Variants in CNTNAP2 observed in about 807,000 individuals in gnomAD.
The protein encoded by CNTNAP2 is contactin-associated protein-like 2.
CNTNAP2 carries 98 observed loss-of-function variants against 155.2 expected under a neutral mutation model. The ratio of observed to expected loss-of-function variants is 0.63; its 90% CI spans 0.54 to 0.75. CNTNAP2 has a LOEUF of 0.75. Ranked by LOEUF, CNTNAP2 falls within the 30% of genes least tolerant of loss-of-function variation. CNTNAP2 has a pLI of 0.00. For missense variants in CNTNAP2, 1,727 were observed against 1,688.1 expected, an observed-to-expected ratio of 1.02 and a Z score of -0.40; for synonymous variants, 651 against 631.2, an observed-to-expected ratio of 1.03 and a Z score of -0.47.
intron 1 of CNTNAP2, among the ~76,000 whole-genome samples, chr7:146,593,830 T>C (rs1031142800): frequency 2.0e-5 from 3 of 152,206 alleles, no homozygotes; most frequent in Admixed American, 1.3e-4. Flanking sequence ...GCCTGACTTT[T>C]AGACGCCTGT....
At chr7:146,894,867 T>C (rs772953850) in intron 3 of CNTNAP2, among the ~76,000 whole-genome samples, 77 of 152,280 alleles carry the variant, frequency 5.1e-4, no homozygotes, top group Non-Finnish European at 9.4e-4. Flanking sequence ...TATTTAATAA[T>C]TGAGTGGTTG....
At chr7:147,336,328 T>C (rs1795664534) in intron 9 of CNTNAP2, among the ~76,000 whole-genome samples, 1 of 152,148 alleles carries the variant, frequency 6.6e-6, no homozygotes, top group Non-Finnish European at 1.5e-5. Flanking sequence ...CTGCTTGATT[T>C]CTTTTGTATT....
chr7:147,286,312 A>T (rs1452875743), intron 8 of CNTNAP2, among the ~76,000 whole-genome samples: 2 of 152,080 alleles, frequency 1.3e-5, no homozygotes, highest in Non-Finnish European at 2.9e-5. Flanking sequence ...TAATAATAAT[A>T]ATGAAAACTT....
In CNTNAP2 at chr7:146,478,984, A is replaced by T. The variant is rs543520574; in HGVS notation, c.98-295287A>T. Among the ~76,000 whole-genome samples the T allele has an allele frequency of 9.2e-5, 14 of 152,288 alleles. 1 individual carries two copies. In the South Asian group the frequency reaches 2.9e-3, roughly 32 times the overall value. On this transcript the variant is annotated intron_variant, in intron 1 of 23. Coordinates refer to ENST00000361727, the MANE Select transcript of CNTNAP2 (RefSeq NM_014141.6). ...CCTTTTCTGTTCTCTACTCAAAACA[A>T]TACTTTTAAAATTGCTTATTTAGTA...
rs1798735352 is a variant in CNTNAP2 at position 148,365,766 on chromosome 7, GTGTATACATGTATGTGTATGCA to G, written c.3476-17872_3476-17851del. On this transcript the variant is annotated intron_variant, in intron 21 of 23. Transcript: ENST00000361727. ...TACATGTATACATGTATGTGTATACGTGTATACATGTATGTGTATGCATGTATACATGCATGTGTATGCATGT... is the reference window on the plus strand; with the variant it reads ...TACATGTATACATGTATGTGTATACGTGTATACATGCATGTGTATGCATGT... 3.5e-5 allele frequency among the ~76,000 whole-genome samples: 2 copies of G among 57,914 alleles called. 1 individual carries two copies. Among genetic ancestry groups the G allele is most frequent in the African/African-American group, 1.8e-4 (2 of 11,384 alleles). 38.0% of individuals were successfully genotyped at this position (57,914 alleles called of 152,430 possible). A position where few individuals can be genotyped will look rare whatever the true frequency, so the allele number is the denominator to read the frequency against.
intron 14 of CNTNAP2, among the ~76,000 whole-genome samples, chr7:147,974,550 A>T (rs1172064405): frequency 6.6e-6 from 1 of 152,100 alleles, no homozygotes; most frequent in East Asian, 1.9e-4. Flanking sequence ...GCTTGAACCC[A>T]GGAGGTGGAG....
chr7:146,203,995 T>C (rs1798906864), intron 1 of CNTNAP2, among the ~76,000 whole-genome samples: 1 of 152,168 alleles, frequency 6.6e-6, no homozygotes, highest in African/African-American at 2.4e-5. Context: ...ATATATGACT[T>C]TTCAATTATT....
At chr7:148,232,948 C>G (rs1236533088) in intron 20 of CNTNAP2, among the ~76,000 whole-genome samples, 1 of 152,220 alleles carries the variant, frequency 6.6e-6, no homozygotes, top group East Asian at 1.9e-4. Flanking sequence ...ACAAAGTACC[C>G]AGTCTCCACA....
At chr7:147,931,370 A>C (rs1253534864) in intron 14 of CNTNAP2, among the ~76,000 whole-genome samples, 1 of 152,174 alleles carries the variant, frequency 6.6e-6, no homozygotes, top group African/African-American at 2.4e-5. Context: ...AAAAATTTAA[A>C]GAACTTATGC....
In CNTNAP2 at chr7:147,197,549, A is replaced by C. The variant is rs190888744; in HGVS notation, c.1348+65040A>C. Among the ~76,000 whole-genome samples, 43 of 152,258 alleles carry C rather than the reference A, an allele frequency of 2.8e-4. 1 individual carries two copies. Among genetic ancestry groups the C allele is most frequent in the Admixed American group, 2.5e-3 (38 of 15,294 alleles). The stretch of plus-strand genomic sequence containing the variant: ...AATAATAGGAGATCTCTCTTGCCGG[A>C]AAAAAGGGGAAGCAATAGGCAAGAA... On this transcript the variant is annotated intron_variant, in intron 8 of 23. Transcript: ENST00000361727.
intron 13 of CNTNAP2, among the ~76,000 whole-genome samples, chr7:147,870,524 A>G (rs1180940684): frequency 1.3e-5 from 2 of 152,188 alleles, no homozygotes; most frequent in Non-Finnish European, 2.9e-5. Context: ...CAGGAAGTTG[A>G]GAGGCCATGT....
intron 1 of CNTNAP2, among the ~76,000 whole-genome samples, chr7:146,714,431 G>T (rs1248971884): frequency 2.0e-5 from 3 of 152,174 alleles, no homozygotes; most frequent in Non-Finnish European, 4.4e-5. Flanking sequence ...ACACTAAGGT[G>T]GAACCATTTC....
intron 10 of CNTNAP2, among the ~76,000 whole-genome samples, chr7:147,448,561 G>A (rs1339176998): frequency 1.3e-5 from 2 of 150,622 alleles, no homozygotes; most frequent in Non-Finnish European, 3.0e-5. Context: ...ACAAGTATAT[G>A]GCAAGCAATT....
intron 1 of CNTNAP2, among the ~76,000 whole-genome samples, chr7:146,465,840 A>C (rs1554437293): frequency 3.3e-5 from 5 of 152,216 alleles, no homozygotes; most frequent in Non-Finnish European, 1.5e-5. Context: ...TAAGACACTA[A>C]GAATGAAATC....
chr7:147,243,400 T>C lies in CNTNAP2; in HGVS notation c.1349-56741T>C, dbSNP rs1330147059. On this transcript the variant is annotated intron_variant, in intron 8 of 23. Transcript: ENST00000361727. ...GATAGTCTGGACTTACAGGAAGACC[T>C]GTCCTCTTCCAGCACGCACCCTTCC... Among the ~76,000 whole-genome samples the C allele has an allele frequency of 2.0e-5, 3 of 152,194 alleles. No homozygotes were observed. The East Asian group carries it at 5.8e-4, about 29-fold the overall frequency.
At chr7:146,389,235 A>G (rs1300189419) in intron 1 of CNTNAP2, among the ~76,000 whole-genome samples, 1 of 150,176 alleles carries the variant, frequency 6.7e-6, no homozygotes, top group Non-Finnish European at 1.5e-5. Flanking sequence ...ACACACACAC[A>G]CACACACACA....
At chr7:146,427,005 A>T (rs938848979) in intron 1 of CNTNAP2, among the ~76,000 whole-genome samples, 8 of 152,298 alleles carry the variant, frequency 5.3e-5, no homozygotes, top group Middle Eastern at 3.4e-3. Context: ...AATGAAAAAA[A>T]CTGCTTATTT....
At chr7:146,899,779 G>A (rs1795954753) in intron 3 of CNTNAP2, among the ~76,000 whole-genome samples, 1 of 152,194 alleles carries the variant, frequency 6.6e-6, no homozygotes, top group Non-Finnish European at 1.5e-5. Context: ...TAGCTAAGGA[G>A]CAGATAATCT....
At chr7:146,505,225 G>T (rs1797365299) in intron 1 of CNTNAP2, among the ~76,000 whole-genome samples, 1 of 152,172 alleles carries the variant, frequency 6.6e-6, no homozygotes, top group South Asian at 2.1e-4. Flanking sequence ...CTGCTTGAAG[G>T]GTGGTGCAGA....
Sources: gnomAD v4.1 joint callset for allele counts (sites outside exome capture counted in the v4.1 genomes callset) on GRCh38, gnomAD v4.1.1 for gene constraint, MANE v1.5 for transcripts, NCBI Gene and HGNC (gene_info 2026-07-23, HGNC 2026-07-21) for gene names.